Variants in L3MBTL4 observed in about 807,000 individuals in gnomAD.
L3MBTL4 encodes the protein L3MBTL histone methyl-lysine binding protein 4.
Under a neutral mutation model 84.5 loss-of-function variants are expected in L3MBTL4, and 70 were observed. That is an observed-to-expected ratio of 0.83 (90% CI 0.68 to 1.01). The LOEUF is 1.01. Ranked by LOEUF, L3MBTL4 falls within the 50% of genes least tolerant of loss-of-function variation. The pLI is 0.00. For synonymous variants in L3MBTL4, 274 were observed against 259.8 expected (o/e 1.05, Z -0.52); for missense variants, 715 against 754.8 (o/e 0.95, Z 0.62).
intron 1 of L3MBTL4, among the ~76,000 whole-genome samples, chr18:6,351,226 T>A (rs2729736): frequency 2.0e-5 from 3 of 151,668 alleles, no homozygotes; most frequent in African/African-American, 7.3e-5. Context: ...CATAAATGAA[T>A]CTTGAAAACA....
At chr18:5,994,436 C>G (rs371271547) in intron 16 of L3MBTL4, among the ~76,000 whole-genome samples, 1 of 152,204 alleles carries the variant, frequency 6.6e-6, no homozygotes, top group South Asian at 2.1e-4. Flanking sequence ...ATGGCACTTA[C>G]TATGTACCTG....
chr18:6,167,906 T>C (rs2043758626), intron 13 of L3MBTL4, among the ~76,000 whole-genome samples: 1 of 152,222 alleles, frequency 6.6e-6, no homozygotes, highest in Admixed American at 6.5e-5. Context: ...GCAGATGACA[T>C]GATTGCATAT....
Position 6,243,811 on chromosome 18 carries a change from T to G in L3MBTL4, c.325-382A>C, listed in dbSNP as rs553596884. 1.4e-4 allele frequency among the ~76,000 whole-genome samples: 21 copies of G among 152,334 alleles called. 1 individual carries two copies. In the South Asian group the frequency reaches 4.3e-3, roughly 32 times the overall value. ...CATTCCAAGACAGTGTAAGCTAAAGTACAAAGCACAACTAAAATAAGCATG... is the reference window on the plus strand; with the variant it reads ...CATTCCAAGACAGTGTAAGCTAAAGGACAAAGCACAACTAAAATAAGCATG... On this transcript the variant is annotated intron_variant, in intron 6 of 18. Transcript: ENST00000317931.
intron 17 of L3MBTL4, among the ~76,000 whole-genome samples, chr18:5,961,890 G>C (rs770968217): frequency 1.3e-5 from 2 of 152,318 alleles, no homozygotes; most frequent in African/African-American, 4.8e-5. Context: ...AGGGCAACTG[G>C]GGCAGGTGAT....
At chr18:6,391,129 A>G (rs1260770595) in intron 1 of L3MBTL4, among the ~76,000 whole-genome samples, 1 of 152,208 alleles carries the variant, frequency 6.6e-6, no homozygotes, top group African/African-American at 2.4e-5. Context: ...TCAAAAGATA[A>G]TACACCATGA....
intron 5 of L3MBTL4, among the ~76,000 whole-genome samples, chr18:6,245,130 A>C (rs1329690084): frequency 6.6e-6 from 1 of 152,022 alleles, no homozygotes; most frequent in Non-Finnish European, 1.5e-5. Context: ...TGAACTCCTG[A>C]CCTTGTGATC....
intron 18 of L3MBTL4, 40 bp from the exon 19 acceptor site, chr18:5,956,427 C>T (rs1237613859): frequency 6.3e-7 from 1 of 1,594,696 alleles, no homozygotes; most frequent in Admixed American, 1.7e-5. Flanking sequence ...AATGTTTTGC[C>T]ACGGAAGCCT....
intron 12 of L3MBTL4, among the ~76,000 whole-genome samples, chr18:6,211,895 C>T (rs180792255): frequency 1.3e-3 from 205 of 152,238 alleles, no homozygotes; most frequent in African/African-American, 4.3e-3. Context: ...GTGATACGCC[C>T]GCCTCAGCCT....
At chr18:5,959,260 C>T (rs1302746674) in intron 18 of L3MBTL4, among the ~76,000 whole-genome samples, 3 of 152,132 alleles carry the variant, frequency 2.0e-5, no homozygotes, top group Admixed American at 6.5e-5. Context: ...AGCTGGAATC[C>T]GACTTTTCTT....
chr18:6,102,486 T>A (rs761337479), intron 14 of L3MBTL4, among the ~76,000 whole-genome samples: 5 of 152,222 alleles, frequency 3.3e-5, no homozygotes, highest in Non-Finnish European at 7.3e-5. Flanking sequence ...GAAAGATTAA[T>A]CAAGCCTTTC....
At chr18:6,138,108 G>A (rs971102531) in intron 14 of L3MBTL4, 86 bp downstream of exon 14, 3 of 834,412 alleles carry the variant, frequency 3.6e-6, no homozygotes, top group Non-Finnish European at 5.7e-6. Flanking sequence ...GGCTCCATGA[G>A]ACTCATTTAT....
intron 4 of L3MBTL4, among the ~76,000 whole-genome samples, chr18:6,275,891 C>A (rs2049059379): frequency 6.6e-6 from 1 of 152,148 alleles, no homozygotes; most frequent in Non-Finnish European, 1.5e-5. Context: ...AGGGAAAGGT[C>A]AAGCTGGGAA....
chr18:6,193,215 C>T (rs1236585277), intron 12 of L3MBTL4, among the ~76,000 whole-genome samples: 2 of 151,826 alleles, frequency 1.3e-5, no homozygotes, highest in Admixed American at 6.6e-5. Flanking sequence ...GAAGGATCGC[C>T]TGCATGTGTA....
At chr18:5,995,419 GA>G (rs2053913289) in intron 16 of L3MBTL4, among the ~76,000 whole-genome samples, 1 of 152,092 alleles carries the variant, frequency 6.6e-6, no homozygotes, top group African/African-American at 2.4e-5. Flanking sequence ...AGCTATTTTT[GA>G]AGAGTTATTT....
chr18:6,167,453 G>A (rs1157410813), intron 13 of L3MBTL4, among the ~76,000 whole-genome samples: 1 of 152,164 alleles, frequency 6.6e-6, no homozygotes, highest in Admixed American at 6.5e-5. Context: ...AGTGAATCCA[G>A]CAGCACATCA....
intron 11 of L3MBTL4, among the ~76,000 whole-genome samples, chr18:6,215,265 GA>G (rs2046275851): frequency 6.6e-6 from 1 of 152,046 alleles, no homozygotes; most frequent in South Asian, 2.1e-4. Context: ...TTCAATCCTG[GA>G]ATAAATATAT....
intron 16 of L3MBTL4, among the ~76,000 whole-genome samples, chr18:5,997,757 G>A (rs554593131): frequency 6.6e-6 from 1 of 152,236 alleles, no homozygotes; most frequent in South Asian, 2.1e-4. Context: ...CTGAGGCTGT[G>A]TCACCAACGC....
intron 16 of L3MBTL4, among the ~76,000 whole-genome samples, chr18:5,983,022 T>C (rs1207067384): frequency 6.6e-6 from 1 of 152,180 alleles, no homozygotes; most frequent in African/African-American, 2.4e-5. Context: ...ACAATTTCCT[T>C]AAGTCTTTTA....
chr18:6,401,433 A>G (rs1158085094), intron 1 of L3MBTL4, among the ~76,000 whole-genome samples: 1 of 152,200 alleles, frequency 6.6e-6, no homozygotes, highest in Admixed American at 6.5e-5. Context: ...TTCACACTGT[A>G]AGAATGTACT....
Sources: allele counts gnomAD v4.1 joint callset (sites outside exome capture counted in the v4.1 genomes callset), GRCh38; gene constraint gnomAD v4.1.1; transcripts MANE v1.5; gene names NCBI Gene and HGNC (gene_info 2026-07-23, HGNC 2026-07-21).